PATJ: variants seen among roughly 807,000 people sequenced by gnomAD.
PATJ encodes the protein PATJ crumbs cell polarity complex component.
PATJ carries 190 observed loss-of-function variants against 224.9 expected under a neutral mutation model. The observed-to-expected ratio is 0.84, with a 90% CI of 0.75 to 0.95. PATJ has a LOEUF of 0.95. PATJ is among the 40% of genes least tolerant of loss of function. The pLI is 0.00. For missense variants in PATJ, 2,121 were observed against 2,270.3 expected (o/e 0.93, Z 1.34); for synonymous variants, 769 against 820.3 (o/e 0.94, Z 1.07).
chr1:61,966,111 A>G (rs573026446), intron 27 of PATJ, among the ~76,000 whole-genome samples: 1 of 152,172 alleles, frequency 6.6e-6, no homozygotes, highest in South Asian at 2.1e-4. Flanking sequence ...CATGTTGGCC[A>G]GGCTGTTCTC....
At chr1:61,784,864 C>T (rs1779263) in intron 7 of PATJ, among the ~76,000 whole-genome samples, 12,364 of 152,120 alleles carry the variant, frequency 0.081, 633 homozygotes, top group Non-Finnish European at 0.12. Context: ...TTCTTTTTTT[C>T]ATAACAATGT....
intron 27 of PATJ, among the ~76,000 whole-genome samples, chr1:61,928,366 A>G (rs1050793456): frequency 6.6e-6 from 1 of 152,174 alleles, no homozygotes; most frequent in Non-Finnish European, 1.5e-5. Context: ...AGTGTATACT[A>G]TTGCTAATGT....
intron 27 of PATJ, among the ~76,000 whole-genome samples, chr1:61,943,102 A>C (rs1678066348): frequency 6.6e-6 from 1 of 152,236 alleles, no homozygotes; most frequent in Admixed American, 6.5e-5. Flanking sequence ...ATGCTGCTAC[A>C]TTCTCATCAT....
intron 27 of PATJ, among the ~76,000 whole-genome samples, chr1:61,942,245 C>T (rs2498955): frequency 0.86 from 131,012 of 152,176 alleles, 56,440 homozygotes; most frequent in Admixed American, 0.9. Context: ...TACTTGAATT[C>T]TATATAACAA....
intron 29 of PATJ, among the ~76,000 whole-genome samples, chr1:62,024,607 G>T (rs1420541683): frequency 1.4e-5 from 2 of 147,404 alleles, no homozygotes; most frequent in Non-Finnish European, 3.0e-5. Context: ...TATACTATTT[G>T]CCCAGTGGAA....
At chr1:62,031,542 A>G (rs1184249137) in intron 29 of PATJ, among the ~76,000 whole-genome samples, 1 of 152,220 alleles carries the variant, frequency 6.6e-6, no homozygotes, top group African/African-American at 2.4e-5. Flanking sequence ...TTTTACCCCA[A>G]GGAAATTTAT....
At chr1:61,809,728 T>C (rs1654314202) in intron 14 of PATJ, among the ~76,000 whole-genome samples, 1 of 152,108 alleles carries the variant, frequency 6.6e-6, no homozygotes, top group African/African-American at 2.4e-5. Flanking sequence ...TCATAAGAAG[T>C]TGAAAAGTCT....
chr1:62,158,735 A>AAAG lies in PATJ; in HGVS notation c.5503-2171_5503-2170insGAA, dbSNP rs1429475797. Among the ~76,000 whole-genome samples, 261 of 149,634 alleles carry AAAG rather than the reference A, an allele frequency of 1.7e-3. 8 individuals are homozygous for AAAG. The highest frequency in any genetic ancestry group is 4.5e-3 in the Admixed American group (67 of 14,886). On this transcript the variant is annotated intron_variant, in intron 43 of 43. Coordinates refer to ENST00000642238, the MANE Select transcript of PATJ (RefSeq NM_001350145.3). ...GACTCTGTCTCAAAAAAAAAACAAA[A>AAAG]AAAAAGAGTTCGAGACCAGCTTGGC... is the stretch of plus-strand genomic sequence containing the variant.
intron 39 of PATJ, among the ~76,000 whole-genome samples, chr1:62,124,537 T>A (rs1265889951): frequency 6.6e-6 from 1 of 152,242 alleles, no homozygotes; most frequent in Non-Finnish European, 1.5e-5. Context: ...GAAGGCATTC[T>A]ACCATTTATT....
intron 20 of PATJ, 110 bp downstream of exon 20, chr1:61,864,743 T>A: frequency 1.1e-6 from 1 of 937,242 alleles, no homozygotes; most frequent in Non-Finnish European, 1.6e-6. Flanking sequence ...GGCCTTTCCG[T>A]AAGTCGTCAC....
chr1:62,050,817 TAGAA>T (rs1233039604), intron 30 of PATJ, 145 bp from the exon 31 acceptor site: 13 of 650,790 alleles, frequency 2.0e-5, no homozygotes, highest in Middle Eastern at 2.5e-4. Flanking sequence ...AGTCTTCTGC[TAGAA>T]AGAAAGAAAC....
intron 27 of PATJ, among the ~76,000 whole-genome samples, chr1:61,980,569 A>G (rs1211401474): frequency 6.6e-6 from 1 of 151,952 alleles, no homozygotes; most frequent in African/African-American, 2.4e-5. Flanking sequence ...CTTCAAGTAA[A>G]AGAATACTCT....
rs1645011961 is a variant in PATJ, at chr1:61,746,103, A to G, written c.-36+3548A>G. Among the ~76,000 whole-genome samples, 3 of 147,728 alleles carry G rather than the reference A, an allele frequency of 2.0e-5. No homozygotes were observed. In the South Asian group the frequency reaches 6.4e-4, roughly 32 times the overall value. On this transcript the variant is annotated intron_variant, in intron 1 of 43. Coordinates refer to ENST00000642238, the MANE Select transcript of PATJ (RefSeq NM_001350145.3). Reference sequence around the variant, plus strand: ...GCCACCACCACTGGGTAATATATATATATATATTTTGTATTTTTAGTAGAG... The same window carrying G: ...GCCACCACCACTGGGTAATATATATGTATATATTTTGTATTTTTAGTAGAG...
chr1:62,079,552 G>C lies in PATJ; in HGVS notation c.4228G>C (p.Asp1410His). The change falls in exon 32 of 44, where the codon GAC becomes CAC. Residue 1410 changes from aspartate to histidine, a missense_variant. By Grantham distance (81) the Asp-to-His change is moderately conservative (BLOSUM62 -1). Coordinates refer to ENST00000642238, the MANE Select transcript of PATJ (RefSeq NM_001350145.3). ...TTCATCATACCATTCAACAGATGCAGACTTCACAGGCTATGGTATGATTCT... is the reference window on the plus strand; with the variant it reads ...TTCATCATACCATTCAACAGATGCACACTTCACAGGCTATGGTATGATTCT... ...PASSYHSTDADFTGYGGFQAP... is the reference protein window; with the variant it reads ...PASSYHSTDAHFTGYGGFQAP... 1.9e-6 allele frequency: 3 copies of C among 1,595,800 alleles called. No individual in the cohort carries two copies. The highest frequency in any genetic ancestry group is 1.7e-6 in the Non-Finnish European group (2 of 1,163,596).
At chr1:61,955,816 G>A (rs771521922) in intron 27 of PATJ, among the ~76,000 whole-genome samples, 1 of 151,978 alleles carries the variant, frequency 6.6e-6, no homozygotes, top group Non-Finnish European at 1.5e-5. Flanking sequence ...TTAATTTTTC[G>A]TGTCTTCATG....
intron 30 of PATJ, among the ~76,000 whole-genome samples, chr1:62,050,517 T>G (rs575808029): frequency 6.6e-6 from 1 of 152,220 alleles, no homozygotes; most frequent in Non-Finnish European, 1.5e-5. Context: ...CATGGAAACT[T>G]GGGCTCATGC....
intron 41 of PATJ, among the ~76,000 whole-genome samples, chr1:62,133,110 G>A (rs1278779736): frequency 6.6e-6 from 1 of 151,422 alleles, no homozygotes. Flanking sequence ...GGAGTCAGTG[G>A]ACACCAAGAT....
chr1:62,157,847 A>T (rs949291993), intron 43 of PATJ, among the ~76,000 whole-genome samples: 3 of 133,954 alleles, frequency 2.2e-5, no homozygotes, highest in Non-Finnish European at 4.9e-5. Flanking sequence ...AAAAAAAAAA[A>T]AAAAAAAATA....
chr1:61,893,044 T>TA (rs1348184300), intron 22 of PATJ, among the ~76,000 whole-genome samples: 21 of 152,234 alleles, frequency 1.4e-4, no homozygotes, highest in Non-Finnish European at 2.9e-4. Flanking sequence ...ACAGTAAGAA[T>TA]ATTTCACTTT....
Sources: allele counts gnomAD v4.1 joint callset (sites outside exome capture counted in the v4.1 genomes callset), GRCh38; gene constraint gnomAD v4.1.1; transcripts MANE v1.5; gene names NCBI Gene and HGNC (gene_info 2026-07-23, HGNC 2026-07-21).